Variants in IGLON5 observed in about 807,000 individuals in gnomAD.
IGLON5 encodes the protein IgLON family member 5, also known as Ig-like domain-containing protein ENSP00000270642.
In IGLON5, 16 loss-of-function variants were observed where a neutral mutation model predicts 38.2. The ratio of observed to expected loss-of-function variants is 0.42; its 90% CI spans 0.28 to 0.64. IGLON5 has a LOEUF of 0.64. Among genes scored for constraint, IGLON5 ranks in the 30% least tolerant of loss-of-function variants. IGLON5 has a pLI of 0.23. For synonymous variants in IGLON5, 207 were observed against 216.4 expected, an observed-to-expected ratio of 0.96 and a Z score of 0.38; for missense variants, 366 against 483.4, an observed-to-expected ratio of 0.76 and a Z score of 2.28.
At chr19:51,322,536 C>T (rs1187000180) in intron 2 of IGLON5, among the ~76,000 whole-genome samples, 2 of 151,860 alleles carry the variant, frequency 1.3e-5, no homozygotes, top group Non-Finnish European at 2.9e-5. Context: ...GTCTCCACCT[C>T]TCCTCACCCT....
intron 1 of IGLON5, among the ~76,000 whole-genome samples, chr19:51,319,882 G>T (rs1476178700): frequency 6.6e-6 from 1 of 152,028 alleles, no homozygotes. Flanking sequence ...GATTGTATGT[G>T]TTTGTGTGTG....
At chr19:51,316,314 C>T (rs1984923006) in intron 1 of IGLON5, among the ~76,000 whole-genome samples, 1 of 142,724 alleles carries the variant, frequency 7.0e-6, no homozygotes, top group South Asian at 2.2e-4. Flanking sequence ...CACTGCATTC[C>T]AGCCTGGGTG....
At chr19:51,315,171 G>T (rs1818587964) in intron 1 of IGLON5, among the ~76,000 whole-genome samples, 1 of 152,156 alleles carries the variant, frequency 6.6e-6, no homozygotes, top group South Asian at 2.1e-4. Flanking sequence ...CTACATTGTG[G>T]TATTTTAAAA....
Position 51,327,819 on chromosome 19 carries a change from T to G in IGLON5, c.855T>G (p.His285Gln). ...MLLFANVSAR[H>Q]YGNYTCRAAN... ...TCTTTGCCAACGTGAGCGCCCGGCA[T>G]TACGGCAACTATACGTGTCGCGCCG... The change falls in exon 7 of 8, where the codon CAT becomes CAG. Residue 285 changes from histidine to glutamine, a missense_variant. By Grantham distance (24) the His-to-Gln change is conservative. Transcript: ENST00000270642. The surrounding 1 kb of genome is among the most constrained non-coding windows in gnomAD (Gnocchi z 7.1). 1 of 1,554,556 alleles carries G rather than the reference T, an allele frequency of 6.4e-7. No homozygotes were observed. Among genetic ancestry groups the G allele is most frequent in the Non-Finnish European group, 8.7e-7 (1 of 1,150,544 alleles).
chr19:51,312,033 G>T (rs944332068), intron 1 of IGLON5, 107 bp downstream of exon 1: 18 of 559,178 alleles, frequency 3.2e-5, no homozygotes, highest in Non-Finnish European at 4.1e-5. Context: ...GGGCCGGCGC[G>T]GGGAGGCCCC....
intron 2 of IGLON5, among the ~76,000 whole-genome samples, chr19:51,322,403 C>CCAGAGAGAAGGGGACAGAGAT (rs1985085055): frequency 6.9e-6 from 1 of 144,024 alleles, no homozygotes; most frequent in African/African-American, 2.9e-5. Flanking sequence ...GGGACAGAGA[C>CCAGAGAGAAGGGGACAGAGAT]CCAGAGAGAA....
In IGLON5 at chr19:51,311,939, CG is replaced by C; in HGVS notation, c.79+18del. On this transcript the variant is annotated intron_variant, in intron 1 of 7. Transcript: ENST00000270642. The stretch of plus-strand genomic sequence containing the variant: ...GTCATCAGCCGAGGTACCGCAGCGC[CG>C]GGGGCGGGGGGCTCGGCCGGGACGC... 21 of 1,299,582 alleles carry C rather than the reference CG, an allele frequency of 1.6e-5. No homozygotes were observed. Among genetic ancestry groups the C allele is most frequent in the South Asian group, 8.4e-5 (4 of 47,680 alleles). The allele number at this position is 1,299,582 out of a possible 1,614,324, so 80.5% of individuals were successfully genotyped here. A position where few individuals can be genotyped will look rare whatever the true frequency, so the allele number is the denominator to read the frequency against.
rs1599820424 is a variant in IGLON5 at position 51,311,772 on chromosome 19, C to T, written c.-76C>T. 2 of 265,736 alleles carry T rather than the reference C, an allele frequency of 7.5e-6. No individual in the cohort carries two copies. The highest frequency in any genetic ancestry group is 1.4e-5 in the Non-Finnish European group (2 of 142,930). 16.5% of individuals were successfully genotyped at this position (265,736 alleles called of 1,614,324 possible). On this transcript the variant is annotated 5_prime_UTR_variant, in exon 1 of 8. Coordinates refer to ENST00000270642, the MANE Select transcript of IGLON5 (RefSeq NM_001101372.3). Reference sequence around the variant, plus strand: ...GCAGGCGGGGTCCCCCTCCCCCTCCCCCCTCTCCCCCCAGGCCTCGCGCGC... The same window carrying T: ...GCAGGCGGGGTCCCCCTCCCCCTCCTCCCTCTCCCCCCAGGCCTCGCGCGC...
chr19:51,323,571 C>A, intron 2 of IGLON5, 91 bp from the exon 3 acceptor site: 3 of 1,020,578 alleles, frequency 2.9e-6, no homozygotes, highest in Middle Eastern at 4.2e-4. Flanking sequence ...CCTGGAGATG[C>A]GGTGGCCTCC....
intron 1 of IGLON5, among the ~76,000 whole-genome samples, chr19:51,314,696 T>A (rs536710835): frequency 6.6e-6 from 1 of 152,262 alleles, no homozygotes; most frequent in East Asian, 1.9e-4. Flanking sequence ...CCATGGATAG[T>A]TTGAGCTGTC....
rs751024604 is a variant in IGLON5, at chr19:51,323,689, C to T, written c.186C>T (p.Arg62=). Reference sequence around the variant, plus strand: ...GCTTCATCGACGAGCACGTGACCCGCGTGGCCTGGCTGAACCGCTCCAACA... The same window carrying T: ...GCTTCATCGACGAGCACGTGACCCGTGTGGCCTGGCTGAACCGCTCCAACA... The part of the protein sequence containing the change: ...LSCFIDEHVT[R]VAWLNRSNIL... Residue 62 remains arginine, a synonymous_variant, in exon 3 of 8, where the codon CGC becomes CGT. Transcript: ENST00000270642. The T allele has an allele frequency of 1.1e-5, 18 of 1,613,130 alleles. No homozygotes were observed. The highest frequency in any genetic ancestry group is 1.1e-4 in the East Asian group (5 of 44,858).
In IGLON5 at chr19:51,327,782, G is replaced by A. The variant is rs756597560; in HGVS notation, c.818G>A (p.Arg273His). ...CTGAAGGTGCAGACGGAGCGCACCCGCTCGATGCTTCTCTTTGCCAACGTG... is the reference window on the plus strand; with the variant it reads ...CTGAAGGTGCAGACGGAGCGCACCCACTCGATGCTTCTCTTTGCCAACGTG... ...EGLKVQTERT[R>H]SMLLFANVSA... Residue 273 changes from arginine to histidine, a missense_variant, in exon 7 of 8, where the codon CGC becomes CAC. Coordinates refer to ENST00000270642, the MANE Select transcript of IGLON5 (RefSeq NM_001101372.3). The surrounding 1 kb of genome is among the most constrained non-coding windows in gnomAD (Gnocchi z 7.1). 20 of 1,572,926 alleles carry A rather than the reference G, an allele frequency of 1.3e-5. No homozygotes were observed. Among genetic ancestry groups the A allele is most frequent in the Non-Finnish European group, 1.6e-5 (18 of 1,161,232 alleles).
intron 4 of IGLON5, among the ~76,000 whole-genome samples, chr19:51,326,528 C>G (rs1985218449): frequency 6.6e-6 from 1 of 152,110 alleles, no homozygotes. Context: ...GATTCTCTAA[C>G]CCACCCCACT....
rs1187256241 is a variant in IGLON5 at position 51,311,677 on chromosome 19, G to C, written c.-171G>C. Among the ~76,000 whole-genome samples, 1 of 134,416 alleles carries C rather than the reference G, an allele frequency of 7.4e-6. No individual in the cohort carries two copies. 88.2% of individuals were successfully genotyped at this position (134,416 alleles called of 152,430 possible). ...CGCCCCCCTCCCCGGGTCTGCAGCA[G>C]CTCCAGCCGCCTCGTCGCGCCCCCC... On this transcript the variant is annotated 5_prime_UTR_variant, in exon 1 of 8. Transcript: ENST00000270642.
At chr19:51,314,322 T>C (rs1984860549) in intron 1 of IGLON5, among the ~76,000 whole-genome samples, 1 of 152,134 alleles carries the variant, frequency 6.6e-6, no homozygotes, top group Non-Finnish European at 1.5e-5. Flanking sequence ...TAGCTGGGAC[T>C]ACAGGTGTGT....
rs879461553 is a variant in IGLON5, at chr19:51,313,646, T to TC, written c.79+1720_79+1721insC. ...CTTTCTCTTTTTCTCTCTCTCTCTCTTTTTCTTTCTTTCTTTCTTTCTTTC... is the reference window on the plus strand; with the variant it reads ...CTTTCTCTTTTTCTCTCTCTCTCTCTCTTTTCTTTCTTTCTTTCTTTCTTTC... On this transcript the variant is annotated intron_variant, in intron 1 of 7. Coordinates refer to ENST00000270642, the MANE Select transcript of IGLON5 (RefSeq NM_001101372.3). Among the ~76,000 whole-genome samples, 103 of 79,054 alleles carry TC rather than the reference T, an allele frequency of 1.3e-3. 1 individual carries two copies. Among genetic ancestry groups the TC allele is most frequent in the Admixed American group, 3.9e-3 (33 of 8,428 alleles). The allele number at this position is 79,054 out of a possible 152,430, so 51.9% of individuals were successfully genotyped here.
At position 51,328,730 on chromosome 19, in the gene IGLON5, G is replaced by A. The variant is rs1438118787; in HGVS notation, c.982G>A (p.Ala328Thr). 10 of 1,600,962 alleles carry A rather than the reference G, an allele frequency of 6.2e-6. No homozygotes were observed. The highest frequency in any genetic ancestry group is 1.3e-5 in the African/African-American group (1 of 74,508). ...CCCAGGGCTCCTGGCCCTCCTCTCC[G>A]CCCTGGGCTGGCTGTGGTGGAGAAT... ...RPPGLLALLS[A>T]LGWLWWRM is the part of the protein sequence containing the mutation. The change falls in exon 8 of 8, where the codon GCC (alanine) becomes ACC (threonine). Residue 328 changes from alanine to threonine, a missense_variant. Coordinates refer to ENST00000270642, the MANE Select transcript of IGLON5 (RefSeq NM_001101372.3).
At chr19:51,318,240 A>G (rs1028638555) in intron 1 of IGLON5, among the ~76,000 whole-genome samples, 5 of 152,174 alleles carry the variant, frequency 3.3e-5, no homozygotes, top group African/African-American at 1.2e-4. Flanking sequence ...CCATTCAACA[A>G]ATATTTCCCA....
intron 7 of IGLON5, 143 bp downstream of exon 7, chr19:51,328,029 A>C (rs1985261578): frequency 2.3e-6 from 2 of 884,872 alleles, no homozygotes; most frequent in Admixed American, 3.1e-5. Context: ...GCGAGTAAGA[A>C]ACCGATCCAC....
Sources: gnomAD v4.1 joint callset for allele counts (sites outside exome capture counted in the v4.1 genomes callset) on GRCh38, gnomAD v4.1.1 for gene constraint, Gnocchi (gnomAD v3.1) non-coding constraint, MANE v1.5 for transcripts, NCBI Gene and HGNC (gene_info 2026-07-23, HGNC 2026-07-21) for gene names.